SGTB: variants seen among roughly 807,000 people sequenced by gnomAD.
The protein encoded by SGTB is small glutamine-rich tetratricopeptide repeat-containing protein beta.
Under a neutral mutation model 43.9 loss-of-function variants are expected in SGTB, and 19 were observed. The ratio of observed to expected loss-of-function variants is 0.43; its 90% CI spans 0.30 to 0.63. SGTB has a LOEUF of 0.63. Among genes scored for constraint, SGTB ranks in the 30% least tolerant of loss-of-function variants. The probability of loss-of-function intolerance (pLI) is 0.12; values close to 1 mark genes in which losing one functional copy is unlikely to be tolerated. For missense variants in SGTB, 304 were observed against 358.9 expected (o/e 0.85, Z 1.24); for synonymous variants, 116 against 117.3 (o/e 0.99, Z 0.07).
intron 5 of SGTB, among the ~76,000 whole-genome samples, chr5:65,703,868 T>G (rs1331140316): frequency 1.3e-5 from 2 of 151,456 alleles, no homozygotes; most frequent in Non-Finnish European, 2.9e-5. Context: ...AAACCCCATC[T>G]CTACTAAAAA....
chr5:65,720,113 C>G (rs1292305713), intron 2 of SGTB, among the ~76,000 whole-genome samples: 1 of 139,510 alleles, frequency 7.2e-6, no homozygotes, highest in Non-Finnish European at 1.5e-5. Flanking sequence ...GATAGGGTCT[C>G]GCTCATGGCC....
chr5:65,704,284 G>A lies in SGTB; in HGVS notation c.369C>T (p.Cys123=), dbSNP rs1757888530. The A allele has an allele frequency of 6.3e-7, 1 of 1,596,230 alleles. No individual in the cohort carries two copies. Among genetic ancestry groups the A allele is most frequent in the African/African-American group, 1.3e-5 (1 of 74,200 alleles). ...ELDPNNAVYY[C]NRAAAQSKLG... ...CCACAATAGTGCTAGTTTACCTGTT[G>A]CAATAGTAAACTGCATTATTGGGAT... The change falls in exon 5 of 11, where the codon TGC becomes TGT. Residue 123 remains cysteine, a synonymous_variant. Transcript: ENST00000381007.
At chr5:65,684,169 C>T (rs934178813) in intron 6 of SGTB, among the ~76,000 whole-genome samples, 6 of 151,890 alleles carry the variant, frequency 4.0e-5, no homozygotes, top group Admixed American at 6.6e-5. Flanking sequence ...ACCACAGCCT[C>T]GACTTCCCAG....
chr5:65,691,289 A>C (rs1253091525), intron 5 of SGTB, among the ~76,000 whole-genome samples: 3 of 152,202 alleles, frequency 2.0e-5, no homozygotes, highest in Non-Finnish European at 4.4e-5. Flanking sequence ...TTGGTTTCTA[A>C]ATACATCCTC....
At chr5:65,715,052 A>G (rs759622814) in intron 2 of SGTB, among the ~76,000 whole-genome samples, 3 of 152,224 alleles carry the variant, frequency 2.0e-5, no homozygotes, top group Non-Finnish European at 4.4e-5. Context: ...TTAGTGAACA[A>G]AGCTAACCAC....
At chr5:65,705,554 A>AT (rs1757914774) in intron 4 of SGTB, among the ~76,000 whole-genome samples, 1 of 152,224 alleles carries the variant, frequency 6.6e-6, no homozygotes, top group Non-Finnish European at 1.5e-5. Context: ...GTTTTCTTAA[A>AT]CCAGAAACTC....
intron 5 of SGTB, among the ~76,000 whole-genome samples, chr5:65,687,169 C>A (rs1757514677): frequency 2.0e-5 from 3 of 152,136 alleles, no homozygotes; most frequent in African/African-American, 7.2e-5. Flanking sequence ...GAGTTTAGTT[C>A]TAATTAACAG....
intron 6 of SGTB, among the ~76,000 whole-genome samples, chr5:65,683,726 C>T (rs1380323092): frequency 2.0e-5 from 3 of 151,012 alleles, no homozygotes; most frequent in African/African-American, 7.3e-5. Context: ...GTGGGTGGAT[C>T]GTGAGGTCAG....
At chr5:65,671,837 G>A in intron 10 of SGTB, 78 bp downstream of exon 10, 1 of 1,282,818 alleles carries the variant, frequency 7.8e-7, no homozygotes, top group Non-Finnish European at 1.1e-6. Context: ...TAAAAAGAAA[G>A]CCCTGACCCC....
chr5:65,715,832 T>C (rs1284766462), intron 2 of SGTB, among the ~76,000 whole-genome samples: 1 of 152,204 alleles, frequency 6.6e-6, no homozygotes, highest in East Asian at 1.9e-4. Context: ...TGCAGTGGCG[T>C]AATCTTGGCT....
Position 65,680,718 on chromosome 5 carries a change from T to C in SGTB, c.556A>G (p.Asn186Asp). The C allele has an allele frequency of 6.2e-7, 1 of 1,614,132 alleles. No individual in the cohort carries two copies. The highest frequency in any genetic ancestry group is 8.5e-7 in the Non-Finnish European group (1 of 1,180,008). ...YQKALDLDPENDSYKSNLKIA... is the reference protein window; with the variant it reads ...YQKALDLDPEDDSYKSNLKIA... The stretch of plus-strand genomic sequence containing the variant: ...TTCAGATTTGACTTATAGGAATCAT[T>C]TTCAGGGTCAAGATCTAATGCCTTT... The change falls in exon 7 of 11, where the codon AAT becomes GAT. Residue 186 changes from asparagine (N) to aspartate (D), a missense_variant. Physicochemically the swap from Asn to Asp is conservative, Grantham distance 23. Transcript: ENST00000381007.
intron 6 of SGTB, among the ~76,000 whole-genome samples, chr5:65,683,712 C>T (rs921930155): frequency 9.4e-6 from 1 of 106,400 alleles, no homozygotes; most frequent in African/African-American, 3.7e-5. Context: ...TTTGGGAGGC[C>T]GAGGTGGGTG....
chr5:65,722,435 A>G (rs1279089348), upstream of SGTB: 14 of 1,575,730 alleles, frequency 8.9e-6, no homozygotes, highest in African/African-American at 1.4e-5. Context: ...CGCGCGGGTT[A>G]ACCTTGGCCG....
chr5:65,705,670 A>T (rs1015449172), intron 4 of SGTB, among the ~76,000 whole-genome samples: 1 of 152,126 alleles, frequency 6.6e-6, no homozygotes, highest in African/African-American at 2.4e-5. Flanking sequence ...GTAAATTAGG[A>T]ATCAAAAATG....
intron 6 of SGTB, among the ~76,000 whole-genome samples, chr5:65,684,094 C>CT (rs1258760545): frequency 6.6e-6 from 1 of 151,214 alleles, no homozygotes; most frequent in Non-Finnish European, 1.5e-5. Context: ...GATTTTTTTT[C>CT]TTTTTTTTGA....
At chr5:65,675,101 G>A (rs1256443658) in intron 8 of SGTB, among the ~76,000 whole-genome samples, 3 of 152,194 alleles carry the variant, frequency 2.0e-5, no homozygotes, top group Admixed American at 6.5e-5. Flanking sequence ...CACCCCAGGA[G>A]CTTGATATGC....
chr5:65,671,919 G>C lies in SGTB; in HGVS notation c.799C>G (p.Gln267Glu). Residue 267 changes from glutamine to glutamate, a missense_variant, in exon 10 of 11, where the codon CAA becomes GAA. Physicochemically the swap from Gln to Glu is conservative, Grantham distance 29 (BLOSUM62 2). Coordinates refer to ENST00000381007, the MANE Select transcript of SGTB (RefSeq NM_019072.3). ...TCTGTTTTAAATAATACTTACGCTT[G>C]GATGAGGCTTGACAGGTCAGTTAGG... ...GGLTDLSSLI[Q>E]AGQQFAQQIQ... 6.2e-7 allele frequency: 1 copy of C among 1,613,552 alleles called. No homozygotes were observed. Among genetic ancestry groups the C allele is most frequent in the Non-Finnish European group, 8.5e-7 (1 of 1,179,704 alleles).
chr5:65,720,989 G>GA (rs1304523862), intron 1 of SGTB, among the ~76,000 whole-genome samples, 160 bp from the exon 2 acceptor site: 1 of 152,178 alleles, frequency 6.6e-6, no homozygotes, highest in Non-Finnish European at 1.5e-5. Flanking sequence ...AAAGAGTCAG[G>GA]AGAGCACAAA....
intron 8 of SGTB, among the ~76,000 whole-genome samples, chr5:65,672,643 A>G (rs746190986): frequency 2.6e-5 from 4 of 152,230 alleles, no homozygotes; most frequent in Non-Finnish European, 4.4e-5. Flanking sequence ...AGCTTTTAAG[A>G]GATGTGACTT....
Sources: gnomAD v4.1 joint callset for allele counts (sites outside exome capture counted in the v4.1 genomes callset) on GRCh38, gnomAD v4.1.1 for gene constraint, MANE v1.5 for transcripts, NCBI Gene and HGNC (gene_info 2026-07-23, HGNC 2026-07-21) for gene names.